The following MYO1D variants were observed in gnomAD, a reference collection of about 807,000 sequenced individuals.
MYO1D encodes the protein unconventional myosin-Id.
In MYO1D, 83 loss-of-function variants were observed where a neutral mutation model predicts 122.0. The ratio of observed to expected loss-of-function variants is 0.68; its 90% CI spans 0.57 to 0.82. MYO1D has a LOEUF of 0.82. MYO1D is among the 40% of genes least tolerant of loss of function. The pLI is 0.00. For synonymous variants in MYO1D, 464 were observed against 446.9 expected (o/e 1.04, Z -0.48); for missense variants, 1,157 against 1,269.5 (o/e 0.91, Z 1.35).
chr17:32,865,568 A>G (rs2091116611), intron 1 of MYO1D, among the ~76,000 whole-genome samples: 1 of 152,236 alleles, frequency 6.6e-6, no homozygotes, highest in African/African-American at 2.4e-5. Flanking sequence ...AGAACTCTGA[A>G]CTGGCCTGTG....
chr17:32,563,204 CTCTTTTTT>C (rs1199681689), intron 21 of MYO1D, among the ~76,000 whole-genome samples: 351 of 105,140 alleles, frequency 3.3e-3, no homozygotes, highest in African/African-American at 0.013. Context: ...TTTTTCTTCT[CTCTTTTTT>C]TTTTTTTTTT....
At chr17:32,665,835 A>G (rs2088628683) in intron 16 of MYO1D, among the ~76,000 whole-genome samples, 2 of 152,262 alleles carry the variant, frequency 1.3e-5, no homozygotes, top group Admixed American at 1.3e-4. Context: ...GGGAGTAGCC[A>G]TCTGTGGGGA....
intron 16 of MYO1D, among the ~76,000 whole-genome samples, chr17:32,697,337 A>G (rs1241617117): frequency 1.3e-5 from 2 of 152,218 alleles, no homozygotes; most frequent in Non-Finnish European, 1.5e-5. Flanking sequence ...TTCTCACAGC[A>G]TACTGGAAAA....
At chr17:32,682,554 T>C (rs1469845206) in intron 16 of MYO1D, among the ~76,000 whole-genome samples, 2 of 151,584 alleles carry the variant, frequency 1.3e-5, no homozygotes, top group African/African-American at 4.9e-5. Flanking sequence ...GAAAATTCTT[T>C]TTTTTAAGAA....
At chr17:32,611,372 C>T (rs114408684) in intron 20 of MYO1D, among the ~76,000 whole-genome samples, 3,450 of 152,266 alleles carry the variant, frequency 0.023, 137 homozygotes, top group African/African-American at 0.079. Context: ...ACATCCCAGT[C>T]TTTAGACAGA....
intron 21 of MYO1D, among the ~76,000 whole-genome samples, chr17:32,555,933 G>C (rs1567888685): frequency 6.6e-6 from 1 of 152,096 alleles, no homozygotes; most frequent in Non-Finnish European, 1.5e-5. Flanking sequence ...TCTTCATTTG[G>C]CCTTCTCCCA....
At chr17:32,641,200 C>T (rs1485855809) in intron 19 of MYO1D, among the ~76,000 whole-genome samples, 1 of 150,864 alleles carries the variant, frequency 6.6e-6, no homozygotes, top group East Asian at 2.0e-4. Context: ...CTTTTTTGTC[C>T]TTGCGATAGT....
chr17:32,826,402 A>C (rs909179671), intron 1 of MYO1D, among the ~76,000 whole-genome samples: 1 of 152,242 alleles, frequency 6.6e-6, no homozygotes, highest in South Asian at 2.1e-4. Context: ...GAAAAAATAC[A>C]TAGAGATGCT....
chr17:32,550,796 G>C (rs931318111), intron 21 of MYO1D, among the ~76,000 whole-genome samples: 9 of 152,126 alleles, frequency 5.9e-5, no homozygotes, highest in African/African-American at 1.9e-4. Context: ...AGGAGTTGGA[G>C]ACCAGCCTGG....
chr17:32,732,038 T>C (rs2089646843), intron 14 of MYO1D, among the ~76,000 whole-genome samples: 1 of 152,190 alleles, frequency 6.6e-6, no homozygotes, highest in South Asian at 2.1e-4. Context: ...CCCAGCTGGG[T>C]ATGCGCACAC....
intron 21 of MYO1D, among the ~76,000 whole-genome samples, chr17:32,603,571 G>A (rs1001641052): frequency 2.1e-5 from 3 of 139,950 alleles, no homozygotes; most frequent in Non-Finnish European, 4.5e-5. Flanking sequence ...TGTTGCCCAG[G>A]TTGGAGTGAA....
chr17:32,801,864 C>T (rs2090464037), intron 1 of MYO1D, among the ~76,000 whole-genome samples: 1 of 151,670 alleles, frequency 6.6e-6, no homozygotes, highest in Admixed American at 6.5e-5. Context: ...ACAAGATGAA[C>T]CTGGACTATC....
At chr17:32,520,472 T>C (rs1239576114) in intron 21 of MYO1D, among the ~76,000 whole-genome samples, 2 of 152,244 alleles carry the variant, frequency 1.3e-5, no homozygotes, top group African/African-American at 4.8e-5. Context: ...CATAGGTCTT[T>C]TTATCCATCA....
chr17:32,494,536 G>C lies in MYO1D; in HGVS notation c.*223C>G, dbSNP rs574664512. On this transcript the variant is annotated 3_prime_UTR_variant, in exon 22 of 22. Transcript: ENST00000318217. ...ACGTCAGCCCAGGGGTCTGGGCGGG[G>C]CACCAGGGTCTTTGGCTTATTGAAC... 14 of 597,596 alleles carry C rather than the reference G, an allele frequency of 2.3e-5. No individual in the cohort carries two copies. The South Asian group carries it at 2.6e-4, about 11-fold the overall frequency. The allele number at this position is 597,596 out of a possible 1,614,324, so 37.0% of individuals were successfully genotyped here.
intron 1 of MYO1D, among the ~76,000 whole-genome samples, chr17:32,872,789 C>T (rs1336266815): frequency 2.0e-4 from 30 of 151,318 alleles, no homozygotes; most frequent in African/African-American, 5.8e-4. Flanking sequence ...CTCCGCTTCC[C>T]GGGTTCACGC....
chr17:32,551,167 G>C (rs2087012152), intron 21 of MYO1D, among the ~76,000 whole-genome samples: 2 of 152,110 alleles, frequency 1.3e-5, no homozygotes, highest in East Asian at 3.9e-4. Flanking sequence ...ACTTCTAGGG[G>C]TGGGGAGCCT....
At chr17:32,641,468 C>T (rs1265160331) in intron 19 of MYO1D, among the ~76,000 whole-genome samples, 1 of 152,156 alleles carries the variant, frequency 6.6e-6, no homozygotes, top group African/African-American at 2.4e-5. Flanking sequence ...ATGGCTGGGT[C>T]AAATGGTATT....
intron 1 of MYO1D, chr17:32,792,373 C>G (rs531212816): frequency 1.3e-5 from 2 of 152,128 alleles, no homozygotes; most frequent in Admixed American, 6.5e-5. Flanking sequence ...TTAGAAAGGA[C>G]AGAGTTTTAT....
At chr17:32,612,439 C>A (rs2150919556) in intron 20 of MYO1D, among the ~76,000 whole-genome samples, 1 of 152,046 alleles carries the variant, frequency 6.6e-6, no homozygotes, top group Admixed American at 6.5e-5. Flanking sequence ...CTAATCCCAG[C>A]ACTTTGGGAG....
Sources: gnomAD v4.1 joint callset for allele counts (sites outside exome capture counted in the v4.1 genomes callset) on GRCh38, gnomAD v4.1.1 for gene constraint, MANE v1.5 for transcripts, NCBI Gene and HGNC (gene_info 2026-07-23, HGNC 2026-07-21) for gene names.